The following PTPRN2 variants were observed in gnomAD, a reference collection of about 807,000 sequenced individuals.
PTPRN2 encodes the protein receptor-type tyrosine-protein phosphatase N2.
PTPRN2 carries 74 observed loss-of-function variants against 118.8 expected under a neutral mutation model. The observed-to-expected ratio is 0.62, with a 90% CI of 0.52 to 0.76. The LOEUF (loss-of-function observed/expected upper bound fraction) is 0.76, where lower values mean the gene tolerates loss of function less well. Ranked by LOEUF, PTPRN2 falls within the 30% of genes least tolerant of loss-of-function variation. The probability of loss-of-function intolerance (pLI) is 0.00; values close to 1 mark genes in which losing one functional copy is unlikely to be tolerated. For synonymous variants in PTPRN2, 641 were observed against 608.0 expected (o/e 1.05, Z -0.80); for missense variants, 1,481 against 1,394.4 (o/e 1.06, Z -0.99).
chr7:158,521,988 TGCTGGCTCGGGAGGGAGGTCC>T (rs1824151929), intron 1 of PTPRN2, among the ~76,000 whole-genome samples: 2 of 96,242 alleles, frequency 2.1e-5, no homozygotes, highest in Non-Finnish European at 4.2e-5. Flanking sequence ...ACTGTCCGGG[TGCTGGCTCGGGAGGGAGGTCC>T]ACGTCACAAT....
Position 157,813,722 on chromosome 7 carries a change from C to T in PTPRN2, c.1788+84951G>A, listed in dbSNP as rs1166770924. On this transcript the variant is annotated intron_variant, in intron 12 of 22. Coordinates refer to ENST00000389418, the MANE Select transcript of PTPRN2 (RefSeq NM_002847.5). This position sits in a 1 kb window ranked among gnomAD's most constrained non-coding sequence, Gnocchi z 4.7. ...ATTGCTTTTTAATTAGCAGCTGCCC[C>T]GAGTGCTCCAGCTGCCCTGCGTGTG... Among the ~76,000 whole-genome samples, 2 of 152,172 alleles carry T rather than the reference C, an allele frequency of 1.3e-5. No individual in the cohort carries two copies. The highest frequency in any genetic ancestry group is 2.9e-5 in the Non-Finnish European group (2 of 68,050).
At chr7:158,282,234 C>A (rs1332831074) in intron 3 of PTPRN2, among the ~76,000 whole-genome samples, 1 of 149,154 alleles carries the variant, frequency 6.7e-6, no homozygotes, top group Non-Finnish European at 1.5e-5. Context: ...GCATAGTAAA[C>A]CCAAGATATA....
At chr7:158,200,108 T>A (rs1826517886) in intron 4 of PTPRN2, among the ~76,000 whole-genome samples, 1 of 152,086 alleles carries the variant, frequency 6.6e-6, no homozygotes, top group Admixed American at 6.5e-5. Flanking sequence ...GAGGAATCAG[T>A]CCCCTTGCTG....
At chr7:158,147,290 C>T (rs1192848515) in intron 6 of PTPRN2, among the ~76,000 whole-genome samples, 5 of 115,616 alleles carry the variant, frequency 4.3e-5, no homozygotes, top group Admixed American at 8.1e-5. Flanking sequence ...GTGTCTTTCC[C>T]CTTCAATGAC....
rs1038606862 is a variant in PTPRN2 at position 157,540,597 on chromosome 7, G to A, written c.*117C>T. ...CTGCTAAACTGCGCTGACTACGGGAGAGCTAAGGGCCCTATTACTATGCAG... is the reference window on the plus strand; with the variant it reads ...CTGCTAAACTGCGCTGACTACGGGAAAGCTAAGGGCCCTATTACTATGCAG... On this transcript the variant is annotated 3_prime_UTR_variant, in exon 23 of 23. Transcript: ENST00000389418. 6 of 757,828 alleles carry A rather than the reference G, an allele frequency of 7.9e-6. No individual in the cohort carries two copies. Among genetic ancestry groups the A allele is most frequent in the Non-Finnish European group, 1.2e-5 (6 of 482,348 alleles). 46.9% of individuals were successfully genotyped at this position (757,828 alleles called of 1,614,324 possible).
intron 6 of PTPRN2, among the ~76,000 whole-genome samples, chr7:158,155,935 GT>G (rs1821782170): frequency 6.6e-6 from 1 of 152,200 alleles, no homozygotes; most frequent in Non-Finnish European, 1.5e-5. Flanking sequence ...GGTAAATTCA[GT>G]AGGAGCTCAT....
intron 21 of PTPRN2, among the ~76,000 whole-genome samples, chr7:157,549,967 G>A (rs1285516022): frequency 6.6e-6 from 1 of 152,158 alleles, no homozygotes; most frequent in Non-Finnish European, 1.5e-5. Context: ...ATAGAGACGC[G>A]GCCAATGGCA....
In PTPRN2 at chr7:158,438,308, C is replaced by T. The variant is rs1006811544; in HGVS notation, c.163+51427G>A. Among the ~76,000 whole-genome samples, 1 of 151,434 alleles carries T rather than the reference C, an allele frequency of 6.6e-6. No homozygotes were observed. The highest frequency in any genetic ancestry group is 1.5e-5 in the Non-Finnish European group (1 of 67,938). ...AGGAGAATTGCTTGAACCTGGGAGG[C>T]AGAAGTTGCAGTGCCACTGCACTCC... On this transcript the variant is annotated intron_variant, in intron 2 of 22. Transcript: ENST00000389418. This position sits in a 1 kb window ranked among gnomAD's most constrained non-coding sequence, Gnocchi z 4.7.
At chr7:158,238,501 C>T (rs1276188045) in intron 3 of PTPRN2, among the ~76,000 whole-genome samples, 1 of 152,208 alleles carries the variant, frequency 6.6e-6, no homozygotes, top group Non-Finnish European at 1.5e-5. Context: ...CTTAATCCAG[C>T]CACATTCACG....
At position 158,366,577 on chromosome 7, in the gene PTPRN2, C is replaced by T. The variant is rs1016960604; in HGVS notation, c.164-49645G>A. On this transcript the variant is annotated intron_variant, in intron 2 of 22. Transcript: ENST00000389418. ...TGGCAACCCGGGAACAAGCCCACAG[C>T]GCCTTGTTTCCCCGAACGCAGAGCC... 5.9e-5 allele frequency among the ~76,000 whole-genome samples: 9 copies of T among 152,242 alleles called. No individual in the cohort carries two copies. In the South Asian group the frequency reaches 1.9e-3, roughly 32 times the overall value.
intron 11 of PTPRN2, among the ~76,000 whole-genome samples, chr7:157,972,853 CCG>C (rs1563287115): frequency 5.1e-4 from 76 of 147,906 alleles, no homozygotes; most frequent in African/African-American, 9.8e-4. Context: ...GCTTCAGAGA[CCG>C]CAGAAACTCC....
intron 12 of PTPRN2, among the ~76,000 whole-genome samples, chr7:157,766,027 C>T (rs951851184): frequency 6.6e-6 from 1 of 150,836 alleles, no homozygotes; most frequent in African/African-American, 2.4e-5. Flanking sequence ...ATCCACCCAT[C>T]CATCCAACCA....
intron 9 of PTPRN2, among the ~76,000 whole-genome samples, chr7:158,123,646 C>A (rs1353327251): frequency 1.3e-5 from 2 of 152,210 alleles, no homozygotes; most frequent in African/African-American, 2.4e-5. Flanking sequence ...GGCAGAAAAT[C>A]AATAGAGGAA....
rs1584857121 is a variant in PTPRN2 at position 157,847,527 on chromosome 7, A to G, written c.1788+51146T>C. Reference sequence around the variant, plus strand: ...TCCATCATGCGTGCCCGATGTCTACAGAGCCCTCTCTCACTCCATCATGCG... The same window carrying G: ...TCCATCATGCGTGCCCGATGTCTACGGAGCCCTCTCTCACTCCATCATGCG... On this transcript the variant is annotated intron_variant, in intron 12 of 22. Transcript: ENST00000389418. Among the ~76,000 whole-genome samples the G allele has an allele frequency of 2.2e-5, 3 of 137,842 alleles. No individual in the cohort carries two copies. The South Asian group carries it at 7.6e-4, about 35-fold the overall frequency. The allele number at this position is 137,842 out of a possible 152,430, so 90.4% of individuals were successfully genotyped here. A position where few individuals can be genotyped will look rare whatever the true frequency, so the allele number is the denominator to read the frequency against.
intron 1 of PTPRN2, among the ~76,000 whole-genome samples, chr7:158,569,134 A>G (rs567940335): frequency 7.2e-5 from 11 of 152,362 alleles, no homozygotes; most frequent in Non-Finnish European, 1.3e-4. Flanking sequence ...TTCAAAACAC[A>G]TATAACTAAC....
intron 11 of PTPRN2, among the ~76,000 whole-genome samples, chr7:157,920,686 C>T (rs1798648884): frequency 6.6e-6 from 1 of 152,232 alleles, no homozygotes. Context: ...AAGGGACCAG[C>T]TTTTCAGCAG....
intron 1 of PTPRN2, among the ~76,000 whole-genome samples, chr7:158,535,386 TG>T (rs2129449073): frequency 6.6e-6 from 1 of 152,266 alleles, no homozygotes; most frequent in African/African-American, 2.4e-5. Context: ...TTCTGTAAAT[TG>T]GGGATTTAAA....
intron 12 of PTPRN2, among the ~76,000 whole-genome samples, chr7:157,692,930 C>T (rs1262395300): frequency 6.6e-6 from 1 of 152,064 alleles, no homozygotes; most frequent in Non-Finnish European, 1.5e-5. Context: ...CTCCCAGGGA[C>T]CTTCTCGGGC....
chr7:158,103,403 C>T (rs748308239), intron 10 of PTPRN2, among the ~76,000 whole-genome samples: 12 of 152,288 alleles, frequency 7.9e-5, no homozygotes, highest in South Asian at 2.1e-4. Flanking sequence ...AAAAAGAACG[C>T]GAAGAGCCCT....
Sources: gnomAD v4.1 joint callset for allele counts (sites outside exome capture counted in the v4.1 genomes callset) on GRCh38, gnomAD v4.1.1 for gene constraint, Gnocchi (gnomAD v3.1) non-coding constraint, MANE v1.5 for transcripts, NCBI Gene and HGNC (gene_info 2026-07-23, HGNC 2026-07-21) for gene names.